Variants in NAV2 observed in about 807,000 individuals in gnomAD.
NAV2 encodes the protein neuron navigator 2.
Under a neutral mutation model 223.2 loss-of-function variants are expected in NAV2, and 54 were observed. The observed-to-expected ratio is 0.24, with a 90% CI of 0.19 to 0.30. NAV2 has a LOEUF of 0.30. NAV2 is among the 10% of genes least tolerant of loss of function. The probability of loss-of-function intolerance (pLI) is 1.00; values close to 1 mark genes in which losing one functional copy is unlikely to be tolerated. For missense variants in NAV2, 2,806 were observed against 3,147.5 expected (o/e 0.89, Z 2.60); for synonymous variants, 1,279 against 1,239.3 (o/e 1.03, Z -0.67).
At chr11:20,060,155 A>G (rs1213754009) in intron 19 of NAV2, among the ~76,000 whole-genome samples, 1 of 152,254 alleles carries the variant, frequency 6.6e-6, no homozygotes, top group Non-Finnish European at 1.5e-5. Context: ...CAGTAAATGT[A>G]TGTATATGAG....
chr11:19,689,607 T>A lies in NAV2; in HGVS notation c.76-142877T>A, dbSNP rs2049111652. On this transcript the variant is annotated intron_variant, in intron 1 of 37. Transcript: ENST00000360655. ...TTGCTGTGATTACTTTATAAGTAGT[T>A]CTTTTTACAGAAAATTTTATTCATA... 2.0e-5 allele frequency among the ~76,000 whole-genome samples: 3 copies of A among 152,374 alleles called. No homozygotes were observed. The South Asian group carries it at 6.2e-4, about 32-fold the overall frequency.
chr11:19,823,241 T>C (rs1432350232), intron 1 of NAV2, among the ~76,000 whole-genome samples: 1 of 152,042 alleles, frequency 6.6e-6, no homozygotes, highest in Admixed American at 6.6e-5. Flanking sequence ...CATTTTCACT[T>C]TTGTCGCTCA....
chr11:19,984,105 A>G lies in NAV2; in HGVS notation c.2646-20A>G. On this transcript the variant is annotated intron_variant, in intron 10 of 37. Transcript: ENST00000349880. Reference sequence around the variant, plus strand: ...CTTGCTTTGGACATTCATGTGCATCATCTTCTTCTCCTTTTAAAGATACAT... The same window carrying G: ...CTTGCTTTGGACATTCATGTGCATCGTCTTCTTCTCCTTTTAAAGATACAT... The G allele has an allele frequency of 6.2e-7, 1 of 1,613,918 alleles. No homozygotes were observed.
Position 19,998,112 on chromosome 11 carries a change from G to A in NAV2, c.2768+13865G>A, listed in dbSNP as rs982921473. On this transcript the variant is annotated intron_variant, in intron 11 of 37. Coordinates refer to ENST00000349880, the MANE Select transcript of NAV2 (RefSeq NM_145117.5). This position sits in a 1 kb window ranked among gnomAD's most constrained non-coding sequence, Gnocchi z 5.0. ...GAGCTGGGCATATACAGTAGGAGAC[G>A]TTTGCTATATTTTAGGTAATTAATA... Among the ~76,000 whole-genome samples, 12 of 150,394 alleles carry A rather than the reference G, an allele frequency of 8.0e-5. No homozygotes were observed. The highest frequency in any genetic ancestry group is 4.0e-4 in the Admixed American group (6 of 15,106).
intron 27 of NAV2, among the ~76,000 whole-genome samples, chr11:20,091,666 G>T (rs1375589792): frequency 6.6e-6 from 1 of 152,144 alleles, no homozygotes; most frequent in African/African-American, 2.4e-5. Flanking sequence ...GGTTCTTCAT[G>T]AATATTCGTA....
At chr11:19,730,350 A>C (rs1442572948) in intron 1 of NAV2, among the ~76,000 whole-genome samples, 3 of 152,156 alleles carry the variant, frequency 2.0e-5, no homozygotes, top group African/African-American at 7.2e-5. Flanking sequence ...CCACCCACAC[A>C]GGCGAAGGTT....
At chr11:19,619,770 C>T (rs1027389623) in intron 1 of NAV2, among the ~76,000 whole-genome samples, 6 of 152,098 alleles carry the variant, frequency 3.9e-5, no homozygotes, top group East Asian at 1.9e-4. Context: ...TTTAATTAGA[C>T]CCCATTTGTC....
At chr11:19,924,774 T>G (rs1413196520) in intron 6 of NAV2, among the ~76,000 whole-genome samples, 3 of 152,180 alleles carry the variant, frequency 2.0e-5, no homozygotes, top group Non-Finnish European at 4.4e-5. Flanking sequence ...GGGGGACAAG[T>G]CAGGAGCACC....
chr11:19,497,618 A>G (rs542533515), intron 1 of NAV2, among the ~76,000 whole-genome samples: 2 of 152,312 alleles, frequency 1.3e-5, no homozygotes, highest in African/African-American at 2.4e-5. Flanking sequence ...CCTTGGCCTC[A>G]GGGTCCACAT....
At position 20,048,856 on chromosome 11, in the gene NAV2, G is replaced by A. The variant is rs368581370; in HGVS notation, c.4031G>A (p.Ser1344Asn). 4 of 1,614,186 alleles carry A rather than the reference G, an allele frequency of 2.5e-6. No individual in the cohort carries two copies. The highest frequency in any genetic ancestry group is 3.4e-6 in the Non-Finnish European group (4 of 1,180,030). The change falls in exon 15 of 38, where the codon AGT becomes AAT. Residue 1344 changes from serine (S) to asparagine (N), a missense_variant. Physicochemically the swap from Ser to Asn is conservative, Grantham distance 46. Coordinates refer to ENST00000349880, the MANE Select transcript of NAV2 (RefSeq NM_145117.5). Reference sequence around the variant, plus strand: ...GGTAACCTAGACTCCCCGTCAGGCAGTGGCGTCCTGAGCAGTGGGAGCAGC... The same window carrying A: ...GGTAACCTAGACTCCCCGTCAGGCAATGGCGTCCTGAGCAGTGGGAGCAGC... ...QQGNLDSPSG[S>N]GVLSSGSSSP...
At position 19,433,471 on chromosome 11, in the gene NAV2, C is replaced by T. The variant is rs1480664513; in HGVS notation, c.75+82444C>T. Among the ~76,000 whole-genome samples the T allele has an allele frequency of 1.3e-5, 2 of 152,202 alleles. 1 individual carries two copies. On this transcript the variant is annotated intron_variant, in intron 1 of 37. Coordinates refer to the NAV2 transcript ENST00000360655. ...AATAGCAAACAGATATCTGGTCCTG[C>T]TGACCTGCCTAAAAGGAGGAAATGA...
chr11:19,948,231 ACATGCCACTATGCCCAG>A (rs1411325121), intron 9 of NAV2, among the ~76,000 whole-genome samples: 1 of 152,088 alleles, frequency 6.6e-6, no homozygotes, highest in Non-Finnish European at 1.5e-5. Context: ...GACTATAGGC[ACATGCCACTATGCCCAG>A]CTAATTTTTG....
intron 1 of NAV2, among the ~76,000 whole-genome samples, chr11:19,679,210 C>T (rs1025065705): frequency 1.3e-5 from 2 of 152,110 alleles, no homozygotes; most frequent in Admixed American, 6.6e-5. Flanking sequence ...GCGGGTGGAT[C>T]ACCTGACGTC....
chr11:19,573,439 G>A (rs1315603767), intron 1 of NAV2, among the ~76,000 whole-genome samples: 1 of 152,180 alleles, frequency 6.6e-6, no homozygotes, highest in Non-Finnish European at 1.5e-5. Context: ...ACACAGCCAA[G>A]CACATAGTAT....
At chr11:19,573,478 A>G (rs2045480955) in intron 1 of NAV2, among the ~76,000 whole-genome samples, 2 of 152,160 alleles carry the variant, frequency 1.3e-5, no homozygotes, top group South Asian at 2.1e-4. Flanking sequence ...ATGCGTGAGT[A>G]TATAGGTGGG....
intron 11 of NAV2, among the ~76,000 whole-genome samples, chr11:20,012,676 A>C (rs2053655882): frequency 0.012 from 1 of 86 alleles, no homozygotes; most frequent in Admixed American, 0.17. Context: ...CTCCATCTCA[A>C]AAAAAAAAAA....
rs917548631 is a variant in NAV2, at chr11:19,437,662, C to T, written c.75+86635C>T. The stretch of plus-strand genomic sequence containing the variant: ...AAGGTTGTTGCATTTCATCAAATCT[C>T]AAAAACCATTGGTTATAACATTCAC... On this transcript the variant is annotated intron_variant, in intron 1 of 37. Coordinates refer to the NAV2 transcript ENST00000360655. 1.6e-4 allele frequency among the ~76,000 whole-genome samples: 25 copies of T among 152,186 alleles called. No homozygotes were observed. The East Asian group carries it at 4.5e-3, about 27-fold the overall frequency.
chr11:19,510,313 T>C (rs1456782922), intron 1 of NAV2, among the ~76,000 whole-genome samples: 1 of 152,218 alleles, frequency 6.6e-6, no homozygotes, highest in Non-Finnish European at 1.5e-5. Flanking sequence ...ATTTTAAACA[T>C]GAGGAAACTG....
intron 11 of NAV2, among the ~76,000 whole-genome samples, chr11:20,000,800 G>C (rs932485602): frequency 6.6e-6 from 1 of 152,140 alleles, no homozygotes; most frequent in East Asian, 1.9e-4. Flanking sequence ...GAGCTGGGAC[G>C]AACGCTTCCT....
Sources: allele counts gnomAD v4.1 joint callset (sites outside exome capture counted in the v4.1 genomes callset), GRCh38; gene constraint gnomAD v4.1.1; non-coding constraint Gnocchi (gnomAD v3.1); transcripts MANE v1.5; gene names NCBI Gene and HGNC (gene_info 2026-07-23, HGNC 2026-07-21).